PRELID2: variants seen among roughly 807,000 people sequenced by gnomAD.
The protein encoded by PRELID2 is PRELI domain containing 2.
In PRELID2, 25 loss-of-function variants were observed where a neutral mutation model predicts 28.4. The observed-to-expected ratio is 0.88, with a 90% CI of 0.64 to 1.23. PRELID2 has a LOEUF of 1.23. PRELID2 is among the 50% of genes most tolerant of loss of function. The pLI is 0.00. For synonymous variants in PRELID2, 76 were observed against 71.6 expected, an observed-to-expected ratio of 1.06 and a Z score of -0.31; for missense variants, 201 against 214.4, an observed-to-expected ratio of 0.94 and a Z score of 0.39.
At chr5:145,536,910 A>G (rs140322434) in intron 1 of PRELID2, among the ~76,000 whole-genome samples, 84 of 149,988 alleles carry the variant, frequency 5.6e-4, no homozygotes, top group Middle Eastern at 3.4e-3. Flanking sequence ...TAAATTAAAC[A>G]GAAGAAAGTA....
intron 5 of PRELID2, chr5:145,795,119 T>C (rs534597314): frequency 1.7e-4 from 26 of 152,234 alleles, no homozygotes; most frequent in African/African-American, 6.0e-4. Flanking sequence ...CATACAGAGT[T>C]TAAAGGATGC....
the PRELID2 span, among the ~76,000 whole-genome samples, chr5:145,263,083 G>A: frequency 6.6e-6 from 1 of 151,896 alleles, no homozygotes; most frequent in African/African-American, 2.4e-5. Flanking sequence ...AGTTAAAAAA[G>A]ACAAAGAGGG....
At chr5:145,395,242 C>T in the PRELID2 span, among the ~76,000 whole-genome samples, 1 of 152,108 alleles carries the variant, frequency 6.6e-6, no homozygotes, top group Non-Finnish European at 1.5e-5. Context: ...TCCTGCCCAC[C>T]ACCCTGACTG....
intron 1 of PRELID2, among the ~76,000 whole-genome samples, chr5:145,514,670 T>A (rs1752497549): frequency 6.6e-6 from 1 of 152,092 alleles, no homozygotes; most frequent in Non-Finnish European, 1.5e-5. Flanking sequence ...TACAGAACTC[T>A]CCACCCCAAA....
the PRELID2 span, among the ~76,000 whole-genome samples, chr5:145,443,035 C>T: frequency 2.6e-5 from 4 of 151,956 alleles, no homozygotes; most frequent in South Asian, 2.1e-4. Context: ...CCACAAGGGT[C>T]GCATTCCATT....
At chr5:145,768,730 C>T (rs1413026765) in intron 5 of PRELID2, among the ~76,000 whole-genome samples, 1 of 152,162 alleles carries the variant, frequency 6.6e-6, no homozygotes, top group Non-Finnish European at 1.5e-5. Flanking sequence ...TTGAACTGAA[C>T]ACTAATTGAC....
chr5:145,832,445 A>G lies in PRELID2; in HGVS notation c.75+2732T>C, dbSNP rs566649607. On this transcript the variant is annotated intron_variant, in intron 1 of 6. Coordinates refer to ENST00000683046, the MANE Select transcript of PRELID2 (RefSeq NM_205846.3). The stretch of plus-strand genomic sequence containing the variant: ...AGTGATCCGCCCGCCTCGGCCTCCC[A>G]AAGTGCTGGGATTACAGGAGTGAGC... Among the ~76,000 whole-genome samples the G allele has an allele frequency of 5.9e-5, 9 of 152,292 alleles. No individual in the cohort carries two copies. In the South Asian group the frequency reaches 1.9e-3, roughly 32 times the overall value.
chr5:145,622,200 G>T (rs999489440), intron 1 of PRELID2, among the ~76,000 whole-genome samples: 2 of 152,064 alleles, frequency 1.3e-5, no homozygotes. Flanking sequence ...CTGCTAATAA[G>T]AACAAAATTT....
chr5:145,262,233 T>C, the PRELID2 span, among the ~76,000 whole-genome samples: 2 of 152,048 alleles, frequency 1.3e-5, no homozygotes, highest in East Asian at 3.9e-4. Context: ...TAATTGGTGT[T>C]CTAAAAAAGA....
At chr5:145,576,375 G>A (rs938947102) in intron 1 of PRELID2, among the ~76,000 whole-genome samples, 9 of 151,998 alleles carry the variant, frequency 5.9e-5, no homozygotes, top group East Asian at 1.9e-4. Flanking sequence ...TACAACATGC[G>A]GTCTTTTGTG....
At chr5:145,755,444 T>C (rs963146119), downstream of PRELID2, among the ~76,000 whole-genome samples, 1 of 152,280 alleles carries the variant, frequency 6.6e-6, no homozygotes, top group East Asian at 1.9e-4. Context: ...TACCTTACAG[T>C]CCTGACTTGG....
At chr5:145,386,749 C>A in the PRELID2 span, among the ~76,000 whole-genome samples, 8 of 152,196 alleles carry the variant, frequency 5.3e-5, no homozygotes, top group Admixed American at 3.9e-4. Flanking sequence ...CTCTCTTACA[C>A]AAATATCTCA....
At chr5:145,474,296 T>A (rs1270343296) in intron 1 of PRELID2, among the ~76,000 whole-genome samples, 1 of 152,222 alleles carries the variant, frequency 6.6e-6, no homozygotes, top group Non-Finnish European at 1.5e-5. Context: ...AGTGTTCTCA[T>A]GGCCTCAACA....
At chr5:145,680,645 A>G (rs911961970) in intron 1 of PRELID2, among the ~76,000 whole-genome samples, 2 of 152,230 alleles carry the variant, frequency 1.3e-5, no homozygotes, top group Non-Finnish European at 2.9e-5. Context: ...TAATTAAGAG[A>G]GAGAATTGCC....
intron 1 of PRELID2, among the ~76,000 whole-genome samples, chr5:145,578,885 G>T (rs868856367): frequency 1.3e-5 from 2 of 152,014 alleles, no homozygotes; most frequent in Admixed American, 1.3e-4. Flanking sequence ...AGTTAGAAGG[G>T]TCATTATGAA....
At position 145,764,998 on chromosome 5, in the gene PRELID2, T is replaced by G. The variant is rs1757660084; in HGVS notation, c.477A>C (p.Gly159=). 1.2e-6 allele frequency: 2 copies of G among 1,600,688 alleles called. No individual in the cohort carries two copies. The highest frequency in any genetic ancestry group is 1.1e-5 in the South Asian group (1 of 88,790). The change falls in exon 6 of 7, where the codon GGA becomes GGC. Residue 159 remains glycine, a splice_region_variant and synonymous_variant. Transcript: ENST00000683046. ...TTAGCAGCATCTCCATGATTCTAATTCCCTATAGAAAGAAGGAAAAAAAAT... is the reference window on the plus strand; with the variant it reads ...TTAGCAGCATCTCCATGATTCTAATGCCCTATAGAAAGAAGGAAAAAAAAT... ...STFLRQGAQK[G]IRIMEMLLKE...
At chr5:145,250,910 A>G in the PRELID2 span, among the ~76,000 whole-genome samples, 9 of 152,268 alleles carry the variant, frequency 5.9e-5, no homozygotes, top group African/African-American at 2.2e-4. Context: ...ACAGAAAACA[A>G]TATTTAGTGG....
At chr5:145,630,919 C>T (rs1212523837) in intron 1 of PRELID2, among the ~76,000 whole-genome samples, 1 of 152,156 alleles carries the variant, frequency 6.6e-6, no homozygotes, top group African/African-American at 2.4e-5. Flanking sequence ...TGGTGCTTAC[C>T]TATCTTCATT....
chr5:145,600,428 A>ATATATATATAT (rs571050308), intron 1 of PRELID2, among the ~76,000 whole-genome samples: 3 of 119,450 alleles, frequency 2.5e-5, no homozygotes, highest in African/African-American at 1.4e-4. Flanking sequence ...GGGAAAAAAA[A>ATATATATATAT]AAAAAAATAT....
Sources: allele counts gnomAD v4.1 joint callset (sites outside exome capture counted in the v4.1 genomes callset), GRCh38; gene constraint gnomAD v4.1.1; transcripts MANE v1.5; gene names NCBI Gene and HGNC (gene_info 2026-07-23, HGNC 2026-07-21).